ATP23: variants seen among roughly 807,000 people sequenced by gnomAD.
The protein encoded by ATP23 is mitochondrial inner membrane protease ATP23 homolog.
ATP23 carries 24 observed loss-of-function variants against 28.5 expected under a neutral mutation model. The observed-to-expected ratio is 0.84, with a 90% CI of 0.61 to 1.18. ATP23 has a LOEUF of 1.18. Ranked by LOEUF, ATP23 falls within the 50% of genes most tolerant of loss-of-function variation. The probability of loss-of-function intolerance (pLI) is 0.00; values close to 1 mark genes in which losing one functional copy is unlikely to be tolerated. For synonymous variants in ATP23, 99 were observed against 108.6 expected, an observed-to-expected ratio of 0.91 and a Z score of 0.55; for missense variants, 274 against 306.4, an observed-to-expected ratio of 0.89 and a Z score of 0.79.
chr12:57,941,646 A>T lies in ATP23; in HGVS notation c.-56A>T. The T allele has an allele frequency of 6.4e-7, 1 of 1,568,210 alleles. No individual in the cohort carries two copies. The highest frequency in any genetic ancestry group is 1.2e-5 in the South Asian group (1 of 86,618). On this transcript the variant is annotated 5_prime_UTR_variant, in exon 1 of 6. Transcript: ENST00000300145. ...TGGCGGGAGGGAGGTTACCTTTCCC[A>T]GTCTCGCTCTGGCCGCCTGAGCCAG...
chr12:57,947,381 G>C (rs1956772699), intron 3 of ATP23, among the ~76,000 whole-genome samples: 1 of 152,204 alleles, frequency 6.6e-6, no homozygotes, highest in African/African-American at 2.4e-5. Flanking sequence ...GATTCGACTA[G>C]AGGATATAAA....
intron 1 of ATP23, among the ~76,000 whole-genome samples, chr12:57,942,136 G>A (rs1956711378): frequency 6.6e-6 from 1 of 152,180 alleles, no homozygotes; most frequent in Non-Finnish European, 1.5e-5. Context: ...GTCACTCACT[G>A]TTGTGACAGA....
intron 4 of ATP23, among the ~76,000 whole-genome samples, chr12:57,952,401 G>A (rs1956824072): frequency 1.3e-5 from 2 of 152,168 alleles, no homozygotes; most frequent in Admixed American, 6.5e-5. Context: ...ATTACAACTA[G>A]TGTTTTTAAC....
rs79542209 is a variant in ATP23 at position 57,957,220 on chromosome 12, T to C, written c.*330T>C. The C allele has an allele frequency of 8.5e-4, 173 of 203,702 alleles. 2 individuals carry two copies. The East Asian group carries it at 0.022, about 26-fold the overall frequency. The allele number at this position is 203,702 out of a possible 1,614,324, so 12.6% of individuals were successfully genotyped here. A position where few individuals can be genotyped will look rare whatever the true frequency, so the allele number is the denominator to read the frequency against. On this transcript the variant is annotated 3_prime_UTR_variant, in exon 6 of 6. Coordinates refer to ENST00000300145, the MANE Select transcript of ATP23 (RefSeq NM_033276.4). ...GAAGTGTGCTCTTCCATGATGTTGA[T>C]AGGTGACCACTGTTGGTATTTACAT...
chr12:57,945,286 G>A (rs920270615), intron 1 of ATP23, among the ~76,000 whole-genome samples: 2 of 152,114 alleles, frequency 1.3e-5, no homozygotes, highest in African/African-American at 4.8e-5. Flanking sequence ...AGGCTGGAGT[G>A]CAGTGGTGTG....
chr12:57,945,801 G>C, intron 2 of ATP23, 128 bp downstream of exon 2: 2 of 801,946 alleles, frequency 2.5e-6, no homozygotes, highest in Non-Finnish European at 4.1e-6. Context: ...GGTAAATAGA[G>C]GTAATTGGCT....
chr12:57,954,287 G>A (rs1956844873), intron 5 of ATP23, among the ~76,000 whole-genome samples: 1 of 151,332 alleles, frequency 6.6e-6, no homozygotes, highest in Non-Finnish European at 1.5e-5. Flanking sequence ...ATCACAGCAT[G>A]TCTTACTGTT....
intron 3 of ATP23, among the ~76,000 whole-genome samples, chr12:57,947,722 C>G (rs1187163711): frequency 1.3e-5 from 2 of 152,114 alleles, no homozygotes; most frequent in Non-Finnish European, 2.9e-5. Context: ...AATGAGATAT[C>G]TCTTATAGAG....
At chr12:57,953,132 G>C (rs1459349366) in intron 4 of ATP23, among the ~76,000 whole-genome samples, 2 of 151,998 alleles carry the variant, frequency 1.3e-5, no homozygotes, top group Non-Finnish European at 2.9e-5. Context: ...GGTTGGGAGG[G>C]GCATATTCTC....
Position 57,946,990 on chromosome 12 carries a change from T to C in ATP23, c.234-5T>C, listed in dbSNP as rs372840623. The C allele has an allele frequency of 8.1e-6, 13 of 1,613,626 alleles. 1 individual carries two copies. In the African/African-American group the frequency reaches 1.3e-4, roughly 17 times the overall value. ...TGGACATTGTCTCCTTTTCTTGCCT[T>C]TTAGTGCTGTTAACAAAGATAGACA... On this transcript the variant is annotated splice_polypyrimidine_tract_variant and splice_region_variant and intron_variant, in intron 2 of 5. Transcript: ENST00000300145.
rs1451257729 is a variant in ATP23, at chr12:57,958,357, A to G, written c.*1467A>G. Among the ~76,000 whole-genome samples, 3 of 152,134 alleles carry G rather than the reference A, an allele frequency of 2.0e-5. No individual in the cohort carries two copies. The highest frequency in any genetic ancestry group is 4.8e-5 in the African/African-American group (2 of 41,418). ...TGGGAGTTCTAGGGCCCCACTCACC[A>G]CAAGTTCTTCTCCATACTACCACAA... On this transcript the variant is annotated 3_prime_UTR_variant, in exon 6 of 6. Coordinates refer to ENST00000300145, the MANE Select transcript of ATP23 (RefSeq NM_033276.4).
In ATP23 at chr12:57,945,211, T is replaced by G. The variant is rs576285255; in HGVS notation, c.188-417T>G. Among the ~76,000 whole-genome samples, 3 of 152,156 alleles carry G rather than the reference T, an allele frequency of 2.0e-5. No homozygotes were observed. In the East Asian group the frequency reaches 5.8e-4, roughly 29 times the overall value. On this transcript the variant is annotated intron_variant, in intron 1 of 5. Coordinates refer to ENST00000300145, the MANE Select transcript of ATP23 (RefSeq NM_033276.4). ...ATGTTGATTTAAGCTTGGCCTCTCA[T>G]GTCAATTTTTACCAATTTTAAGATA...
At chr12:57,954,045 A>T (rs986538985) in intron 5 of ATP23, among the ~76,000 whole-genome samples, 4 of 151,984 alleles carry the variant, frequency 2.6e-5, no homozygotes, top group African/African-American at 9.7e-5. Flanking sequence ...ATACAAAAAA[A>T]TTAGCTGGGC....
At position 57,957,658 on chromosome 12, in the gene ATP23, G is replaced by A. The variant is rs1014763955; in HGVS notation, c.*768G>A. ...AGGTCTGTTTGTGGGAGAAGTTTCC[G>A]ACCTTACCTGGAGCTGAGTTAATTT... is the stretch of plus-strand genomic sequence containing the variant. On this transcript the variant is annotated 3_prime_UTR_variant, in exon 6 of 6. Transcript: ENST00000300145. 6.6e-6 allele frequency among the ~76,000 whole-genome samples: 1 copy of A among 152,088 alleles called. No homozygotes were observed. Among genetic ancestry groups the A allele is most frequent in the African/African-American group, 2.4e-5 (1 of 41,406 alleles).
Position 57,957,387 on chromosome 12 carries a change from G to T in ATP23, c.*497G>T. 6.6e-6 allele frequency: 1 copy of T among 152,550 alleles called. No homozygotes were observed. The allele number at this position is 152,550 out of a possible 1,614,324, so 9.4% of individuals were successfully genotyped here. Reference sequence around the variant, plus strand: ...TTATCATATATGTGGGACCCATATGGCCTAATTTTCTGGGGACAGTCCTGG... The same window carrying T: ...TTATCATATATGTGGGACCCATATGTCCTAATTTTCTGGGGACAGTCCTGG... On this transcript the variant is annotated 3_prime_UTR_variant, in exon 6 of 6. Coordinates refer to ENST00000300145, the MANE Select transcript of ATP23 (RefSeq NM_033276.4).
In ATP23 at chr12:57,957,126, A is replaced by C; in HGVS notation, c.*236A>C. On this transcript the variant is annotated 3_prime_UTR_variant, in exon 6 of 6. Coordinates refer to ENST00000300145, the MANE Select transcript of ATP23 (RefSeq NM_033276.4). ...TAACCATTTAGTAAATAAATACATT[A>C]CATTTTTGTATTTTAGTCATTTGTT... 1 of 374,842 alleles carries C rather than the reference A, an allele frequency of 2.7e-6. No homozygotes were observed. The highest frequency in any genetic ancestry group is 2.1e-5 in the African/African-American group (1 of 47,980). The allele number at this position is 374,842 out of a possible 1,614,324, so 23.2% of individuals were successfully genotyped here.
intron 3 of ATP23, among the ~76,000 whole-genome samples, chr12:57,950,569 G>A (rs1367773379): frequency 1.3e-5 from 2 of 150,916 alleles, no homozygotes; most frequent in Non-Finnish European, 2.9e-5. Context: ...TTCTTGCCCA[G>A]GCTGGAGTTC....
At chr12:57,954,813 C>G (rs1214971799) in intron 5 of ATP23, among the ~76,000 whole-genome samples, 5 of 141,412 alleles carry the variant, frequency 3.5e-5, no homozygotes, top group Non-Finnish European at 7.9e-5. Flanking sequence ...AAGAGAGTAA[C>G]TCAACTCTGG....
chr12:57,953,831 A>C, intron 5 of ATP23, 142 bp downstream of exon 5: 1 of 741,986 alleles, frequency 1.3e-6, no homozygotes, highest in Non-Finnish European at 2.2e-6. Context: ...CCATTTAAAC[A>C]AAGTAGATGG....
Sources: allele counts gnomAD v4.1 joint callset (sites outside exome capture counted in the v4.1 genomes callset), GRCh38; gene constraint gnomAD v4.1.1; transcripts MANE v1.5; gene names NCBI Gene and HGNC (gene_info 2026-07-23, HGNC 2026-07-21).